The following PRR16 variants were observed in gnomAD, a reference collection of about 807,000 sequenced individuals.
The protein encoded by PRR16 is proline rich 16, also known as protein Largen.
PRR16 carries 6 observed loss-of-function variants against 18.2 expected under a neutral mutation model. The ratio of observed to expected loss-of-function variants is 0.33; its 90% CI spans 0.18 to 0.65. The LOEUF (loss-of-function observed/expected upper bound fraction) is 0.65. Among genes scored for constraint, PRR16 ranks in the 30% least tolerant of loss-of-function variants. PRR16 has a pLI of 0.74. For missense variants in PRR16, 412 were observed against 376.6 expected (o/e 1.09, Z -0.78); for synonymous variants, 151 against 147.8 (o/e 1.02, Z -0.16).
At chr5:120,772,639 G>T in the PRR16 span, among the ~76,000 whole-genome samples, 308 of 151,990 alleles carry the variant, frequency 2.0e-3, 1 homozygote, top group African/African-American at 7.1e-3. Flanking sequence ...ATGGATATAA[G>T]ATGATTTAGC....
chr5:120,615,780 G>A (rs548620016), intron 1 of PRR16, among the ~76,000 whole-genome samples: 12 of 152,140 alleles, frequency 7.9e-5, no homozygotes, highest in African/African-American at 2.9e-4. Flanking sequence ...TGTCATCCAT[G>A]TGTATATAAT....
intron 1 of PRR16, among the ~76,000 whole-genome samples, chr5:120,609,596 T>A: frequency 6.6e-6 from 1 of 152,198 alleles, no homozygotes; most frequent in East Asian, 1.9e-4. Flanking sequence ...AATGGCTATC[T>A]TATTGAATTA....
At chr5:120,523,169 A>G (rs1350453811) in intron 1 of PRR16, among the ~76,000 whole-genome samples, 1 of 152,218 alleles carries the variant, frequency 6.6e-6, no homozygotes, top group Non-Finnish European at 1.5e-5. Flanking sequence ...GGTGGATTTC[A>G]CTGCTTGTGC....
In PRR16 at chr5:120,464,413, A is replaced by G; in HGVS notation, c.-74A>G. 6.8e-6 allele frequency: 10 copies of G among 1,460,660 alleles called. No homozygotes were observed. Among genetic ancestry groups the G allele is most frequent in the South Asian group, 6.6e-5 (5 of 75,582 alleles). 90.5% of individuals were successfully genotyped at this position (1,460,660 alleles called of 1,614,324 possible). On this transcript the variant is annotated 5_prime_UTR_variant, in exon 1 of 2. Coordinates refer to ENST00000407149, the MANE Select transcript of PRR16 (RefSeq NM_001300783.2). ...GGACCGGGGCGGCAGCGGCCGTAGC[A>G]GCGCCAGGGACGGGGGCACGCAGCA... is the stretch of plus-strand genomic sequence containing the variant.
chr5:120,742,100 G>A, the PRR16 span, among the ~76,000 whole-genome samples: 4 of 151,892 alleles, frequency 2.6e-5, no homozygotes, highest in South Asian at 8.3e-4. Flanking sequence ...TTGTATCACT[G>A]TTTTAACTGC....
At chr5:120,545,226 C>A (rs140916133) in intron 1 of PRR16, among the ~76,000 whole-genome samples, 1 of 152,036 alleles carries the variant, frequency 6.6e-6, no homozygotes, top group South Asian at 2.1e-4. Flanking sequence ...GCATCCTTGT[C>A]TCTTCCAAAT....
chr5:120,718,848 G>A, the PRR16 span, among the ~76,000 whole-genome samples: 2 of 151,990 alleles, frequency 1.3e-5, no homozygotes, highest in Non-Finnish European at 2.9e-5. Context: ...TGTAGTGTGG[G>A]GAACTAATGA....
At chr5:120,645,391 C>CA (rs1049928411) in intron 1 of PRR16, among the ~76,000 whole-genome samples, 6 of 146,464 alleles carry the variant, frequency 4.1e-5, no homozygotes, top group Admixed American at 6.8e-5. Context: ...CATCCCCCCC[C>CA]CACACACACA....
chr5:120,730,149 A>G, the PRR16 span, among the ~76,000 whole-genome samples: 1 of 152,188 alleles, frequency 6.6e-6, no homozygotes, highest in Admixed American at 6.6e-5. Flanking sequence ...TGATAGATAG[A>G]AAAATAGCTT....
chr5:120,483,893 A>G (rs139958683), intron 1 of PRR16, among the ~76,000 whole-genome samples: 1 of 152,048 alleles, frequency 6.6e-6, no homozygotes, highest in Admixed American at 6.6e-5. Flanking sequence ...CATGCACTCA[A>G]ACAAACTTAC....
chr5:120,655,733 T>G (rs75314800), intron 1 of PRR16, among the ~76,000 whole-genome samples: 13 of 148,230 alleles, frequency 8.8e-5, no homozygotes, highest in African/African-American at 2.8e-4. Flanking sequence ...GACTTTTTTT[T>G]TTTGTTTTTT....
intron 1 of PRR16, among the ~76,000 whole-genome samples, chr5:120,626,683 A>T (rs1754876046): frequency 6.6e-6 from 1 of 152,190 alleles, no homozygotes. Flanking sequence ...CCATAGTTTA[A>T]TGATAAGCAT....
At chr5:120,636,111 C>A (rs992938711) in intron 1 of PRR16, among the ~76,000 whole-genome samples, 6 of 151,936 alleles carry the variant, frequency 3.9e-5, no homozygotes, top group African/African-American at 1.5e-4. Context: ...TAAAACACTG[C>A]GGAAAGAAAT....
intron 1 of PRR16, among the ~76,000 whole-genome samples, chr5:120,506,854 A>G (rs928422671): frequency 2.0e-5 from 3 of 152,106 alleles, no homozygotes; most frequent in African/African-American, 7.2e-5. Flanking sequence ...AACTGAGCCT[A>G]TACTTTTAAG....
chr5:120,711,619 A>G, the PRR16 span, among the ~76,000 whole-genome samples: 5 of 152,196 alleles, frequency 3.3e-5, no homozygotes, highest in Non-Finnish European at 7.3e-5. Flanking sequence ...ATAGTCCTAT[A>G]GATACATCTC....
At chr5:120,578,937 G>T (rs964501162) in intron 1 of PRR16, among the ~76,000 whole-genome samples, 3 of 151,918 alleles carry the variant, frequency 2.0e-5, no homozygotes, top group African/African-American at 7.3e-5. Context: ...TTTAATAATT[G>T]CCCTTCTGAT....
At chr5:120,675,330 G>GT (rs955809161) in intron 1 of PRR16, among the ~76,000 whole-genome samples, 27 of 151,938 alleles carry the variant, frequency 1.8e-4, no homozygotes, top group Admixed American at 1.6e-3. Flanking sequence ...AAGGATTTCA[G>GT]TTTTTTTTTA....
intron 1 of PRR16, among the ~76,000 whole-genome samples, chr5:120,498,646 T>C (rs1233461238): frequency 1.3e-5 from 2 of 151,676 alleles, no homozygotes; most frequent in Non-Finnish European, 1.5e-5. Flanking sequence ...GTTTTTTTTT[T>C]CTTTCCTTTT....
At chr5:120,703,039 C>A in the PRR16 span, among the ~76,000 whole-genome samples, 4 of 152,194 alleles carry the variant, frequency 2.6e-5, no homozygotes, top group Non-Finnish European at 5.9e-5. Flanking sequence ...TGGGTGCAGG[C>A]GGGCTGAGTC....
Sources: gnomAD v4.1 joint callset for allele counts (sites outside exome capture counted in the v4.1 genomes callset) on GRCh38, gnomAD v4.1.1 for gene constraint, MANE v1.5 for transcripts, NCBI Gene and HGNC (gene_info 2026-07-23, HGNC 2026-07-21) for gene names.